The following GFPT1 variants were observed in gnomAD, a reference collection of about 807,000 sequenced individuals.
GFPT1 encodes glutamine--fructose-6-phosphate transaminase 1, also known as glutamine--fructose-6-phosphate aminotransferase [isomerizing] 1.
Under a neutral mutation model 92.0 loss-of-function variants are expected in GFPT1, and 40 were observed. That is an observed-to-expected ratio of 0.43 (90% CI 0.34 to 0.57). GFPT1 has a LOEUF of 0.57. Among genes scored for constraint, GFPT1 ranks in the 20% least tolerant of loss-of-function variants. GFPT1 has a pLI of 0.02. For missense variants in GFPT1, 448 were observed against 869.1 expected (o/e 0.52, Z 6.09); for synonymous variants, 269 against 280.6 (o/e 0.96, Z 0.41).
intron 4 of GFPT1, 60 bp from the exon 5 acceptor site, chr2:69,359,386 C>T: frequency 1.0e-6 from 1 of 962,932 alleles, no homozygotes; most frequent in Non-Finnish European, 1.7e-6. Flanking sequence ...TCTAAAATAG[C>T]TATTACTCTA....
chr2:69,324,431 T>G lies in GFPT1; in HGVS notation c.*1758A>C, dbSNP rs1456954266. On this transcript the variant is annotated 3_prime_UTR_variant, in exon 20 of 20. Coordinates refer to ENST00000357308, the MANE Select transcript of GFPT1 (RefSeq NM_001244710.2). ...ACGCTAGCTGACTTACACAAAATAA[T>G]CTTAGAAACAATTAAAGTAGATTAA... The G allele has an allele frequency of 1.3e-5, 2 of 152,170 alleles. No individual in the cohort carries two copies. Among genetic ancestry groups the G allele is most frequent in the Non-Finnish European group, 2.9e-5 (2 of 68,012 alleles). The allele number at this position is 152,170 out of a possible 1,614,324, so 9.4% of individuals were successfully genotyped here.
intron 15 of GFPT1, among the ~76,000 whole-genome samples, chr2:69,336,570 T>C (rs1232566020): frequency 6.6e-6 from 1 of 150,884 alleles, no homozygotes; most frequent in Admixed American, 6.6e-5. Context: ...TAGAAAAATA[T>C]TGAGAAAACA....
At chr2:69,339,135 G>A (rs1187715262) in intron 13 of GFPT1, among the ~76,000 whole-genome samples, 1 of 152,180 alleles carries the variant, frequency 6.6e-6, no homozygotes, top group East Asian at 1.9e-4. Flanking sequence ...GTTTTGAGAA[G>A]TGGAAAGAGC....
intron 15 of GFPT1, among the ~76,000 whole-genome samples, chr2:69,332,305 TTTC>T (rs926933170): frequency 2.6e-5 from 4 of 151,092 alleles, no homozygotes; most frequent in Admixed American, 1.3e-4. Context: ...TAGTCTTTCT[TTTC>T]TTTTCTTTTT....
At chr2:69,345,192 G>A (rs1671054246) in intron 12 of GFPT1, among the ~76,000 whole-genome samples, 1 of 152,098 alleles carries the variant, frequency 6.6e-6, no homozygotes, top group South Asian at 2.1e-4. Context: ...GGAGGCAGCA[G>A]TTGCGGTGAG....
chr2:69,367,362 GT>G, intron 3 of GFPT1, among the ~76,000 whole-genome samples: 1 of 152,030 alleles, frequency 6.6e-6, no homozygotes. Flanking sequence ...TGTTGTTGTT[GT>G]TGTTGTTGTT....
At chr2:69,340,928 A>C (rs564922838) in intron 13 of GFPT1, among the ~76,000 whole-genome samples, 1 of 151,936 alleles carries the variant, frequency 6.6e-6, no homozygotes, top group African/African-American at 2.4e-5. Context: ...GCCACCACTA[A>C]CGTGTTTACA....
At position 69,322,154 on chromosome 2, in the gene GFPT1, A is replaced by G. The variant is rs375378592; in HGVS notation, c.*4035T>C. 2 of 152,220 alleles carry G rather than the reference A, an allele frequency of 1.3e-5. No individual in the cohort carries two copies. Among genetic ancestry groups the G allele is most frequent in the African/African-American group, 4.8e-5 (2 of 41,466 alleles). 9.4% of individuals were successfully genotyped at this position (152,220 alleles called of 1,614,324 possible). On this transcript the variant is annotated 3_prime_UTR_variant, in exon 20 of 20. Coordinates refer to ENST00000357308, the MANE Select transcript of GFPT1 (RefSeq NM_001244710.2). Reference sequence around the variant, plus strand: ...ATAAAGTAATCTGAAACCTGTTTCCATGGGTAAAACACTCTGCCTGGTATT... The same window carrying G: ...ATAAAGTAATCTGAAACCTGTTTCCGTGGGTAAAACACTCTGCCTGGTATT...
intron 7 of GFPT1, among the ~76,000 whole-genome samples, chr2:69,355,983 CTTTTTTTTTTTTTT>C (rs1157501841): frequency 1.3e-5 from 1 of 75,616 alleles, no homozygotes; most frequent in African/African-American, 6.1e-5. Flanking sequence ...TATTTGCTTT[CTTTTTTTTTTTTTT>C]TTTTTTTTTT....
chr2:69,348,189 G>T lies in GFPT1; in HGVS notation c.991C>A (p.Leu331Ile). Residue 331 changes from leucine to isoleucine, a missense_variant, in exon 11 of 20, where the codon CTC becomes ATC. By Grantham distance (5) the Leu-to-Ile change is conservative. Transcript: ENST00000357308. The stretch of plus-strand genomic sequence containing the variant: ...CTTTCACCCTTCATGATCTGCTGGA[G>T]TTCCATCTGGAGTGTTTGCACAGCT... The part of the protein sequence containing the change: ...GRAVQTLQME[L>I]QQIMKGNFSS... 6.2e-7 allele frequency: 1 copy of T among 1,613,770 alleles called. No individual in the cohort carries two copies. Among genetic ancestry groups the T allele is most frequent in the Admixed American group, 1.7e-5 (1 of 60,018 alleles).
rs184971872 is a variant in GFPT1, at chr2:69,378,485, G to T, written c.8-4372C>A. 2.0e-5 allele frequency among the ~76,000 whole-genome samples: 3 copies of T among 152,256 alleles called. No homozygotes were observed. The East Asian group carries it at 5.8e-4, about 29-fold the overall frequency. ...CTTTCTTACTAATGGAATATACTTG[G>T]AATAAAATAACTCCATAACTGAAGC... On this transcript the variant is annotated intron_variant, in intron 1 of 19. Transcript: ENST00000357308.
At chr2:69,350,612 C>T (rs10175215) in intron 9 of GFPT1, among the ~76,000 whole-genome samples, 99,105 of 151,940 alleles carry the variant, frequency 0.65, 33,591 homozygotes, top group African/African-American at 0.85. Context: ...AATTGTGCAA[C>T]GAAAAATAAA....
At chr2:69,386,008 T>G (rs1672119910) in intron 1 of GFPT1, among the ~76,000 whole-genome samples, 1 of 148,612 alleles carries the variant, frequency 6.7e-6, no homozygotes, top group African/African-American at 2.5e-5. Flanking sequence ...TTCAATTCTC[T>G]TACAATGGTA....
intron 1 of GFPT1, among the ~76,000 whole-genome samples, chr2:69,374,718 T>C (rs1236407700): frequency 2.0e-5 from 3 of 152,198 alleles, no homozygotes; most frequent in African/African-American, 4.8e-5. Context: ...TTATGTCCTA[T>C]ATACAGAGCA....
chr2:69,331,292 A>G (rs1670656912), intron 15 of GFPT1, among the ~76,000 whole-genome samples: 1 of 152,126 alleles, frequency 6.6e-6, no homozygotes, highest in African/African-American at 2.4e-5. Flanking sequence ...CTCTTTTGAC[A>G]ACTGACTTTG....
chr2:69,340,447 A>T (rs1311454398), intron 13 of GFPT1, among the ~76,000 whole-genome samples: 5 of 152,188 alleles, frequency 3.3e-5, no homozygotes, highest in Non-Finnish European at 5.9e-5. Context: ...TTTGAAAAGC[A>T]TATTAAGTAG....
rs1453757975 is a variant in GFPT1, at chr2:69,354,243, A to G, written c.739+16T>C. ...AGGATAAGATCCTCCCCATCCATGC[A>G]GAGTGCATTTCCCACCTCTTTCTCC... On this transcript the variant is annotated intron_variant, in intron 9 of 19. Coordinates refer to ENST00000357308, the MANE Select transcript of GFPT1 (RefSeq NM_001244710.2). The G allele has an allele frequency of 6.4e-7, 1 of 1,551,792 alleles. No homozygotes were observed. Among genetic ancestry groups the G allele is most frequent in the Non-Finnish European group, 8.8e-7 (1 of 1,142,484 alleles).
intron 1 of GFPT1, among the ~76,000 whole-genome samples, chr2:69,382,052 T>C (rs1453112311): frequency 6.6e-6 from 1 of 151,568 alleles, no homozygotes; most frequent in Non-Finnish European, 1.5e-5. Context: ...TTAGTAGAGA[T>C]GGGGCTTCGC....
At chr2:69,358,922 T>G (rs1290972021) in intron 5 of GFPT1, among the ~76,000 whole-genome samples, 1 of 152,188 alleles carries the variant, frequency 6.6e-6, no homozygotes, top group Non-Finnish European at 1.5e-5. Flanking sequence ...CATAAAACTT[T>G]CATTTAATTT....
Sources: allele counts gnomAD v4.1 joint callset (sites outside exome capture counted in the v4.1 genomes callset), GRCh38; gene constraint gnomAD v4.1.1; transcripts MANE v1.5; gene names NCBI Gene and HGNC (gene_info 2026-07-23, HGNC 2026-07-21).